Variants in JAZF1 observed in about 807,000 individuals in gnomAD.
The protein encoded by JAZF1 is juxtaposed with another zinc finger protein 1.
Under a neutral mutation model 26.4 loss-of-function variants are expected in JAZF1, and 8 were observed. The observed-to-expected ratio is 0.30, with a 90% CI of 0.18 to 0.55. JAZF1 has a LOEUF of 0.55. JAZF1 is among the 20% of genes least tolerant of loss of function. The pLI is 0.94. For synonymous variants in JAZF1, 126 were observed against 122.3 expected, an observed-to-expected ratio of 1.03 and a Z score of -0.20; for missense variants, 199 against 322.0, an observed-to-expected ratio of 0.62 and a Z score of 2.92.
At chr7:28,077,478 T>C (rs1352177812) in intron 1 of JAZF1, among the ~76,000 whole-genome samples, 1 of 152,040 alleles carries the variant, frequency 6.6e-6, no homozygotes, top group African/African-American at 2.4e-5. Context: ...ATCAGGTAAC[T>C]GGTATAACCA....
rs564116729 is a variant in JAZF1 at position 28,033,796 on chromosome 7, G to A, written c.116-41815C>T. Among the ~76,000 whole-genome samples, 115 of 152,252 alleles carry A rather than the reference G, an allele frequency of 7.6e-4. No individual in the cohort carries two copies. The South Asian group carries it at 0.014, about 19-fold the overall frequency. On this transcript the variant is annotated intron_variant, in intron 1 of 4. Transcript: ENST00000283928. ...CTCACTCTGTCACCCAGGCTGGAAC[G>A]CAGAGACACGATCTCGGCTCACCAC...
intron 1 of JAZF1, among the ~76,000 whole-genome samples, chr7:28,153,143 G>A (rs1178955830): frequency 6.6e-6 from 1 of 152,148 alleles, no homozygotes; most frequent in Non-Finnish European, 1.5e-5. Flanking sequence ...CCTATGAGCA[G>A]TGTGGGGCCA....
In JAZF1 at chr7:28,065,906, G is replaced by A. The variant is rs906609137; in HGVS notation, c.116-73925C>T. Among the ~76,000 whole-genome samples the A allele has an allele frequency of 4.7e-4, 71 of 152,220 alleles. No individual in the cohort carries two copies. In the Middle Eastern group the frequency reaches 0.014, roughly 29 times the overall value. ...TAGACCTGACACCAAGCAGGGGGTG[G>A]GATGTTGAGCTCCATGAAGGAAATT... On this transcript the variant is annotated intron_variant, in intron 1 of 4. Transcript: ENST00000283928.
At position 27,832,545 on chromosome 7, in the gene JAZF1, G is replaced by A. The variant is rs1411905004; in HGVS notation, c.*255C>T. On this transcript the variant is annotated 3_prime_UTR_variant, in exon 5 of 5. Transcript: ENST00000283928. ...TATTTTGTTTTGGGGGAAATGTGCTGAAGAACCTAGAGCTTTTTTTGTTTA... is the reference window on the plus strand; with the variant it reads ...TATTTTGTTTTGGGGGAAATGTGCTAAAGAACCTAGAGCTTTTTTTGTTTA... 6.8e-6 allele frequency: 2 copies of A among 292,272 alleles called. No homozygotes were observed. Among genetic ancestry groups the A allele is most frequent in the African/African-American group, 2.1e-5 (1 of 46,882 alleles). The allele number at this position is 292,272 out of a possible 1,614,324, so 18.1% of individuals were successfully genotyped here.
chr7:28,133,715 T>C (rs1440589039), intron 1 of JAZF1, among the ~76,000 whole-genome samples: 1 of 152,182 alleles, frequency 6.6e-6, no homozygotes, highest in Non-Finnish European at 1.5e-5. Flanking sequence ...CAGTCCTTAC[T>C]CAGTGTTCTA....
intron 1 of JAZF1, among the ~76,000 whole-genome samples, chr7:28,065,258 G>A (rs1583539990): frequency 1.3e-5 from 2 of 152,268 alleles, no homozygotes; most frequent in African/African-American, 2.4e-5. Context: ...ACATAGTCTG[G>A]GGTTCTTGAC....
chr7:28,117,348 C>T (rs1272150713), intron 1 of JAZF1, among the ~76,000 whole-genome samples: 2 of 152,244 alleles, frequency 1.3e-5, no homozygotes, highest in East Asian at 1.9e-4. Flanking sequence ...TATGCAGATA[C>T]AAATATATTT....
chr7:28,029,825 C>T (rs571652279), intron 1 of JAZF1, among the ~76,000 whole-genome samples: 2 of 152,190 alleles, frequency 1.3e-5, no homozygotes, highest in African/African-American at 4.8e-5. Flanking sequence ...GTACTGGCTA[C>T]AGTGCATCAC....
At chr7:27,903,440 C>T (rs1336155680) in intron 2 of JAZF1, among the ~76,000 whole-genome samples, 1 of 152,182 alleles carries the variant, frequency 6.6e-6, no homozygotes, top group Non-Finnish European at 1.5e-5. Context: ...AGCAATCTGC[C>T]CACTTTGGTC....
At chr7:27,920,900 G>C (rs548785365) in intron 2 of JAZF1, among the ~76,000 whole-genome samples, 1 of 152,112 alleles carries the variant, frequency 6.6e-6, no homozygotes, top group Non-Finnish European at 1.5e-5. Flanking sequence ...AGTAATGTTG[G>C]CAAGTCTCAC....
At chr7:27,963,794 C>T (rs748771792) in intron 2 of JAZF1, among the ~76,000 whole-genome samples, 2 of 152,090 alleles carry the variant, frequency 1.3e-5, no homozygotes, top group African/African-American at 2.4e-5. Context: ...TTTCAAACTC[C>T]TGGGATCAAG....
rs1562590942 is a variant in JAZF1, at chr7:28,110,513, GGAAAAGGAAAA to G, written c.115+69939_115+69949del. 8.0e-5 allele frequency among the ~76,000 whole-genome samples: 5 copies of G among 62,286 alleles called. 1 individual carries two copies. The highest frequency in any genetic ancestry group is 6.5e-4 in the East Asian group (1 of 1,528). 40.9% of individuals were successfully genotyped at this position (62,286 alleles called of 152,430 possible). On this transcript the variant is annotated intron_variant, in intron 1 of 4. Coordinates refer to ENST00000283928, the MANE Select transcript of JAZF1 (RefSeq NM_175061.4). ...GAAAGGAAAGGAAAGGAAAAGGAAA[GGAAAAGGAAAA>G]GGAAAAGGAAAGGAAAAGGAAAAGG... is the stretch of plus-strand genomic sequence containing the variant.
At chr7:27,942,074 G>A (rs1784856315) in intron 2 of JAZF1, among the ~76,000 whole-genome samples, 1 of 152,236 alleles carries the variant, frequency 6.6e-6, no homozygotes, top group African/African-American at 2.4e-5. Flanking sequence ...TGAGGGGAAT[G>A]GAAGGTAACA....
intron 2 of JAZF1, among the ~76,000 whole-genome samples, chr7:27,928,371 T>G (rs939925561): frequency 1.2e-4 from 19 of 152,230 alleles, no homozygotes; most frequent in Admixed American, 9.8e-4. Context: ...TTGAATCACA[T>G]TGCATTAACA....
intron 1 of JAZF1, among the ~76,000 whole-genome samples, chr7:28,053,898 C>T (rs1783655933): frequency 6.6e-6 from 1 of 152,020 alleles, no homozygotes. Context: ...AGCAGCTCTG[C>T]ATCAATCTTT....
rs372806865 is a variant in JAZF1 at position 27,845,374 on chromosome 7, T to C, written c.386-4507A>G. ...CTTCAGAATGAACAATGCAGACCAC[T>C]GAATCCCACGCTCATCTTGGTGTCT... On this transcript the variant is annotated intron_variant, in intron 3 of 4. Transcript: ENST00000283928. Among the ~76,000 whole-genome samples the C allele has an allele frequency of 8.5e-5, 13 of 152,214 alleles. No homozygotes were observed. The East Asian group carries it at 1.7e-3, about 20-fold the overall frequency.
intron 1 of JAZF1, among the ~76,000 whole-genome samples, chr7:28,004,860 C>G (rs954317207): frequency 6.6e-6 from 1 of 152,068 alleles, no homozygotes; most frequent in African/African-American, 2.4e-5. Flanking sequence ...GCCATGTTGG[C>G]CAGGCTGGTC....
At chr7:28,167,660 T>A (rs1253012278) in intron 1 of JAZF1, among the ~76,000 whole-genome samples, 3 of 152,182 alleles carry the variant, frequency 2.0e-5, no homozygotes, top group Non-Finnish European at 1.5e-5. Context: ...TTTGCCACAA[T>A]AAAAACACTC....
At chr7:27,853,124 G>A (rs1345503409) in intron 3 of JAZF1, among the ~76,000 whole-genome samples, 1 of 152,122 alleles carries the variant, frequency 6.6e-6, no homozygotes, top group Non-Finnish European at 1.5e-5. Context: ...ACTTCTGCTG[G>A]TTTTTGGTGT....
Sources: gnomAD v4.1 joint callset for allele counts (sites outside exome capture counted in the v4.1 genomes callset) on GRCh38, gnomAD v4.1.1 for gene constraint, MANE v1.5 for transcripts, NCBI Gene and HGNC (gene_info 2026-07-23, HGNC 2026-07-21) for gene names.